RCAN1: variants seen among roughly 807,000 people sequenced by gnomAD.
RCAN1 encodes regulator of calcineurin 1, also known as calcipressin-1.
In RCAN1, 11 loss-of-function variants were observed where a neutral mutation model predicts 22.9. The observed-to-expected ratio is 0.48, with a 90% CI of 0.30 to 0.79. The LOEUF is 0.79. Among genes scored for constraint, RCAN1 ranks in the 30% least tolerant of loss-of-function variants. RCAN1 has a pLI of 0.06. For synonymous variants in RCAN1, 136 were observed against 142.3 expected (o/e 0.96, Z 0.32); for missense variants, 291 against 337.8 (o/e 0.86, Z 1.09).
At chr21:34,581,933 A>C (rs1987623778) in intron 1 of RCAN1, among the ~76,000 whole-genome samples, 1 of 152,162 alleles carries the variant, frequency 6.6e-6, no homozygotes, top group African/African-American at 2.4e-5. Flanking sequence ...ATTTGCTATC[A>C]AAATGCCAAC....
At chr21:34,565,592 T>C (rs776558127) in intron 1 of RCAN1, among the ~76,000 whole-genome samples, 8 of 152,224 alleles carry the variant, frequency 5.3e-5, no homozygotes, top group Non-Finnish European at 1.2e-4. Context: ...TAACCACTTA[T>C]ATGAGTGTGT....
At chr21:34,586,159 T>G (rs1469337303) in intron 1 of RCAN1, among the ~76,000 whole-genome samples, 1 of 152,176 alleles carries the variant, frequency 6.6e-6, no homozygotes, top group Non-Finnish European at 1.5e-5. Flanking sequence ...AGGCCATAGA[T>G]GACATAAACA....
chr21:34,608,286 A>G (rs1171537329), intron 1 of RCAN1, among the ~76,000 whole-genome samples: 3 of 152,206 alleles, frequency 2.0e-5, no homozygotes, highest in Non-Finnish European at 4.4e-5. Flanking sequence ...ACTGGCCTAT[A>G]GGATGGCCCC....
intron 1 of RCAN1, among the ~76,000 whole-genome samples, chr21:34,611,501 G>A (rs1412635846): frequency 1.3e-5 from 2 of 152,128 alleles, no homozygotes; most frequent in Admixed American, 6.5e-5. Context: ...TCTAGTTCAG[G>A]TTAATTTTTT....
chr21:34,596,046 G>A (rs56389765), intron 1 of RCAN1, among the ~76,000 whole-genome samples: 9,511 of 152,230 alleles, frequency 0.062, 399 homozygotes, highest in East Asian at 0.13. Context: ...GTGGATCAGT[G>A]CTGACATCTG....
At chr21:34,546,709 G>A (rs1411131972) in intron 1 of RCAN1, among the ~76,000 whole-genome samples, 1 of 152,156 alleles carries the variant, frequency 6.6e-6, no homozygotes, top group Non-Finnish European at 1.5e-5. Context: ...ACCGTACCAG[G>A]AACTGAAGAA....
chr21:34,529,650 T>C (rs1016395695), intron 1 of RCAN1, among the ~76,000 whole-genome samples: 1 of 152,228 alleles, frequency 6.6e-6, no homozygotes, highest in Non-Finnish European at 1.5e-5. Context: ...TACTTGTATA[T>C]TCCTTGTGGT....
Position 34,595,621 on chromosome 21 carries a change from C to T in RCAN1, c.252+19139G>A, listed in dbSNP as rs372888709. Reference sequence around the variant, plus strand: ...GAGCCGTGCTGAGAAAAGGAAACTGCGCAATCTGCTCAGGTTCCCAGGAAG... The same window carrying T: ...GAGCCGTGCTGAGAAAAGGAAACTGTGCAATCTGCTCAGGTTCCCAGGAAG... On this transcript the variant is annotated intron_variant, in intron 1 of 3. Transcript: ENST00000313806. Among the ~76,000 whole-genome samples, 9 of 152,318 alleles carry T rather than the reference C, an allele frequency of 5.9e-5. No homozygotes were observed. The East Asian group carries it at 1.4e-3, about 23-fold the overall frequency.
intron 1 of RCAN1, chr21:34,525,573 G>T: frequency 2.2e-6 from 1 of 460,506 alleles, no homozygotes; most frequent in Non-Finnish European, 3.7e-6. Context: ...TGGGAGAGAT[G>T]ACTTTGAAGA....
intron 1 of RCAN1, among the ~76,000 whole-genome samples, chr21:34,610,121 T>A (rs1364813606): frequency 2.0e-5 from 3 of 152,184 alleles, no homozygotes. Flanking sequence ...TGCTAGGATG[T>A]CACATTTTAC....
intron 1 of RCAN1, among the ~76,000 whole-genome samples, chr21:34,581,039 G>A (rs750621660): frequency 2.4e-4 from 37 of 152,266 alleles, no homozygotes; most frequent in African/African-American, 5.3e-4. Flanking sequence ...CAGAAGTCAC[G>A]AGTCGGGAGT....
At chr21:34,537,087 G>A (rs1985705620) in intron 1 of RCAN1, among the ~76,000 whole-genome samples, 1 of 152,206 alleles carries the variant, frequency 6.6e-6, no homozygotes, top group African/African-American at 2.4e-5. Flanking sequence ...GAGGAAGCAT[G>A]TCCTGTCATC....
At chr21:34,582,593 C>G (rs1320095309) in intron 1 of RCAN1, among the ~76,000 whole-genome samples, 1 of 152,088 alleles carries the variant, frequency 6.6e-6, no homozygotes, top group Admixed American at 6.5e-5. Context: ...ATTGGAGACG[C>G]GAGGAGGAGC....
chr21:34,593,552 C>A (rs1241707664), intron 1 of RCAN1, among the ~76,000 whole-genome samples: 1 of 152,224 alleles, frequency 6.6e-6, no homozygotes. Context: ...AGCTCTTATG[C>A]ATGGACCCAC....
intron 1 of RCAN1, among the ~76,000 whole-genome samples, chr21:34,555,103 G>A (rs1478865244): frequency 2.6e-5 from 4 of 152,218 alleles, no homozygotes; most frequent in Non-Finnish European, 5.9e-5. Context: ...TGCACTTGCT[G>A]TTTCCAGACT....
rs1375995541 is a variant in RCAN1 at position 34,525,188 on chromosome 21, G to T, written c.253-1478C>A. ...AGGAATGTTCACTGCTAGCAAGCGC[G>T]GGGAGGCACTGGTGGATGCCTGCTC... On this transcript the variant is annotated intron_variant, in intron 1 of 3. Coordinates refer to ENST00000313806, the MANE Select transcript of RCAN1 (RefSeq NM_004414.7). 3.9e-6 allele frequency: 6 copies of T among 1,550,230 alleles called. No homozygotes were observed. The East Asian group carries it at 9.8e-5, about 25-fold the overall frequency.
At chr21:34,603,984 A>C (rs1476573952) in intron 1 of RCAN1, among the ~76,000 whole-genome samples, 1 of 152,212 alleles carries the variant, frequency 6.6e-6, no homozygotes, top group African/African-American at 2.4e-5. Context: ...GAGACATGTC[A>C]CCTTATCAAT....
rs548544879 is a variant in RCAN1, at chr21:34,566,142, C to T, written c.253-42432G>A. 3.0e-4 allele frequency among the ~76,000 whole-genome samples: 46 copies of T among 152,298 alleles called. 1 individual carries two copies. The highest frequency in any genetic ancestry group is 1.0e-3 in the African/African-American group (42 of 41,550). On this transcript the variant is annotated intron_variant, in intron 1 of 3. Transcript: ENST00000313806. ...CTAGGGACAGAGGAAGCTGCCTTTT[C>T]CTGCGAGTAGGTAGAGGCCGGGCAA...
chr21:34,596,203 A>G (rs1023423134), intron 1 of RCAN1, among the ~76,000 whole-genome samples: 1 of 152,204 alleles, frequency 6.6e-6, no homozygotes, highest in African/African-American at 2.4e-5. Flanking sequence ...AGTGCCAGGA[A>G]GAAGCTCAAG....
Sources: allele counts gnomAD v4.1 joint callset (sites outside exome capture counted in the v4.1 genomes callset), GRCh38; gene constraint gnomAD v4.1.1; transcripts MANE v1.5; gene names NCBI Gene and HGNC (gene_info 2026-07-23, HGNC 2026-07-21).